The following MAPK8IP1 variants were observed in gnomAD, a reference collection of about 807,000 sequenced individuals.
MAPK8IP1 encodes mitogen-activated protein kinase 8 interacting protein 1, also known as C-Jun-amino-terminal kinase-interacting protein 1.
MAPK8IP1 carries 17 observed loss-of-function variants against 72.6 expected under a neutral mutation model. That is an observed-to-expected ratio of 0.23 (90% confidence interval 0.16 to 0.35). The LOEUF is 0.35. Among genes scored for constraint, MAPK8IP1 ranks in the 10% least tolerant of loss-of-function variants. The pLI, the probability that MAPK8IP1 is intolerant of heterozygous loss-of-function variation, is 1.00. For synonymous variants in MAPK8IP1, 401 were observed against 443.4 expected, an observed-to-expected ratio of 0.90 and a Z score of 1.20; for missense variants, 789 against 1,009.7, an observed-to-expected ratio of 0.78 and a Z score of 2.96.
In MAPK8IP1 at chr11:45,902,974, T is replaced by C; in HGVS notation, c.1207T>C (p.Tyr403His). 6.2e-7 allele frequency: 1 copy of C among 1,612,008 alleles called. No individual in the cohort carries two copies. The highest frequency in any genetic ancestry group is 8.5e-7 in the Non-Finnish European group (1 of 1,179,882). ...LVSLRPCFGD[Y>H]SDESDSATVY... ...GAGCCTGCGGCCGTGCTTCGGAGAC[T>C]ACAGTGACGAGAGTGACTCTGCCAC... is the stretch of plus-strand genomic sequence containing the variant. Residue 403 changes from tyrosine (Y) to histidine (H), a missense_variant, in exon 5 of 12, where the codon TAC becomes CAC. Tyr to His is a moderately conservative substitution (Grantham distance 83). Coordinates refer to ENST00000241014, the MANE Select transcript of MAPK8IP1 (RefSeq NM_005456.4). This position sits in a 1 kb window ranked among gnomAD's most constrained non-coding sequence, Gnocchi z 9.3.
intron 1 of MAPK8IP1, among the ~76,000 whole-genome samples, chr11:45,889,380 A>G (rs1186974125): frequency 1.3e-5 from 2 of 152,270 alleles, no homozygotes. Context: ...TTCTTATTTT[A>G]TAATGAGTAT....
rs771342008 is a variant in MAPK8IP1, at chr11:45,902,814, C to T, written c.1047C>T (p.Gly349=). ...CCCCAGAGCGGGCTGAGCCCCCAGGCGGAGGGTGGCGGGGGAGCCTGGGGG... is the reference window on the plus strand; with the variant it reads ...CCCCAGAGCGGGCTGAGCCCCCAGGTGGAGGGTGGCGGGGGAGCCTGGGGG... ...LSSPERAEPP[G]GGWRGSLGEP... is the part of the protein sequence containing the mutation. Residue 349 remains glycine, a synonymous_variant, in exon 5 of 12, where the codon GGC becomes GGT. Transcript: ENST00000241014. The surrounding 1 kb of genome is among the most constrained non-coding windows in gnomAD (Gnocchi z 9.3). 2.7e-5 allele frequency: 43 copies of T among 1,581,176 alleles called. No homozygotes were observed. Among genetic ancestry groups the T allele is most frequent in the East Asian group, 4.6e-5 (2 of 43,492 alleles).
chr11:45,891,526 C>T (rs2086565890), intron 1 of MAPK8IP1, among the ~76,000 whole-genome samples: 1 of 152,182 alleles, frequency 6.6e-6, no homozygotes, highest in African/African-American at 2.4e-5. Flanking sequence ...CCTCAGGAAA[C>T]TTGCAGCTCT....
At position 45,902,148 on chromosome 11, in the gene MAPK8IP1, G is replaced by T. The variant is rs2086658663; in HGVS notation, c.604+87G>T. Reference sequence around the variant, plus strand: ...GAGAGCAAACCCTACAGTCTCCAAAGGGCTGAGTAGAGGTGAACTGCCCAC... The same window carrying T: ...GAGAGCAAACCCTACAGTCTCCAAATGGCTGAGTAGAGGTGAACTGCCCAC... On this transcript the variant is annotated intron_variant, in intron 4 of 11. Coordinates refer to ENST00000241014, the MANE Select transcript of MAPK8IP1 (RefSeq NM_005456.4). The surrounding 1 kb of genome is among the most constrained non-coding windows in gnomAD (Gnocchi z 9.3). 1 of 1,265,854 alleles carries T rather than the reference G, an allele frequency of 7.9e-7. No homozygotes were observed. Among genetic ancestry groups the T allele is most frequent in the Non-Finnish European group, 1.2e-6 (1 of 862,900 alleles). The allele number at this position is 1,265,854 out of a possible 1,614,324, so 78.4% of individuals were successfully genotyped here.
chr11:45,891,553 C>G (rs61882475), intron 1 of MAPK8IP1, among the ~76,000 whole-genome samples: 3,453 of 152,270 alleles, frequency 0.023, 69 homozygotes, highest in Non-Finnish European at 0.035. Flanking sequence ...GGCAGGCAGC[C>G]CAGCAGCAGA....
intron 11 of MAPK8IP1, 34 bp from the exon 12 acceptor site, chr11:45,905,615 G>C (rs567137970): frequency 1.2e-5 from 19 of 1,591,280 alleles, no homozygotes; most frequent in South Asian, 8.8e-5. Flanking sequence ...TGCCAGTGGC[G>C]ATCTGAGCCA....
chr11:45,898,020 T>A, intron 1 of MAPK8IP1, 65 bp from the exon 2 acceptor site: 1 of 967,768 alleles, frequency 1.0e-6, no homozygotes, highest in Non-Finnish European at 1.7e-6. Flanking sequence ...CTGGAAGAGG[T>A]AACAGGGAGA....
intron 1 of MAPK8IP1, chr11:45,896,403 A>T (rs10838528): frequency 1.6e-5 from 6 of 377,812 alleles, no homozygotes; most frequent in Non-Finnish European, 2.2e-5. Flanking sequence ...CTGACTGGGG[A>T]ACTGGCCCTT....
chr11:45,902,625 G>C lies in MAPK8IP1; in HGVS notation c.858G>C (p.Val286=). The change falls in exon 5 of 12, where the codon GTG becomes GTC. Residue 286 remains valine, a synonymous_variant. Coordinates refer to ENST00000241014, the MANE Select transcript of MAPK8IP1 (RefSeq NM_005456.4). This position sits in a 1 kb window ranked among gnomAD's most constrained non-coding sequence, Gnocchi z 9.3. ...EATEEIYLTP[V]QRPPDAAEPT... is the part of the protein sequence containing the mutation. ...CTGAGGAGATCTACCTGACCCCAGT[G>C]CAGAGGCCCCCAGACGCTGCAGAGC... is the stretch of plus-strand genomic sequence containing the variant. 2 of 1,612,934 alleles carry C rather than the reference G, an allele frequency of 1.2e-6. No homozygotes were observed. Among genetic ancestry groups the C allele is most frequent in the Non-Finnish European group, 1.7e-6 (2 of 1,179,932 alleles).
chr11:45,905,619 T>C (rs1276622369), intron 11 of MAPK8IP1, 30 bp from the exon 12 acceptor site: 1 of 1,596,958 alleles, frequency 6.3e-7, no homozygotes, highest in Non-Finnish European at 8.6e-7. Flanking sequence ...AGTGGCGATC[T>C]GAGCCATCTG....
Position 45,903,467 on chromosome 11 carries a change from A to C in MAPK8IP1, c.1493+27A>C. On this transcript the variant is annotated intron_variant, in intron 6 of 11. Coordinates refer to ENST00000241014, the MANE Select transcript of MAPK8IP1 (RefSeq NM_005456.4). This position sits in a 1 kb window ranked among gnomAD's most constrained non-coding sequence, Gnocchi z 6.4. ...TGAGAGCCATGGGCTGGCTGGGCCT[A>C]GCCAGGCAGCAGTTTGGGCCACACA... 6.3e-7 allele frequency: 1 copy of C among 1,595,210 alleles called. No individual in the cohort carries two copies.
Position 45,906,405 on chromosome 11 carries a change from C to G in MAPK8IP1, c.*684C>G. The G allele has an allele frequency of 1.1e-6, 1 of 909,636 alleles. No individual in the cohort carries two copies. The highest frequency in any genetic ancestry group is 2.5e-5 in the South Asian group (1 of 40,456). The allele number at this position is 909,636 out of a possible 1,614,324, so 56.3% of individuals were successfully genotyped here. A position where few individuals can be genotyped will look rare whatever the true frequency, so the allele number is the denominator to read the frequency against. ...GGGAGGCTTCCTGACTGACACAGGC[C>G]AGCCCCATCTTGGTCCTGTCACCCT... is the stretch of plus-strand genomic sequence containing the variant. On this transcript the variant is annotated 3_prime_UTR_variant, in exon 12 of 12. Coordinates refer to ENST00000241014, the MANE Select transcript of MAPK8IP1 (RefSeq NM_005456.4).
At chr11:45,896,822 C>G in intron 1 of MAPK8IP1, 2 of 1,546,206 alleles carry the variant, frequency 1.3e-6, no homozygotes, top group East Asian at 2.4e-5. Flanking sequence ...CCCCACCCTT[C>G]CGGGCATGAG....
In MAPK8IP1 at chr11:45,904,623, G is replaced by A; in HGVS notation, c.1776+59G>A. ...TGGGTCCCTGGGGCAGAGGGACGCA[G>A]GTGTCTAGAGGCAGTAAAGGGCTCA... On this transcript the variant is annotated intron_variant, in intron 8 of 11. Coordinates refer to ENST00000241014, the MANE Select transcript of MAPK8IP1 (RefSeq NM_005456.4). This position sits in a 1 kb window ranked among gnomAD's most constrained non-coding sequence, Gnocchi z 6.4. The A allele has an allele frequency of 6.3e-7, 1 of 1,590,530 alleles. No homozygotes were observed. The highest frequency in any genetic ancestry group is 8.6e-7 in the Non-Finnish European group (1 of 1,158,742).
chr11:45,896,710 T>C lies in MAPK8IP1; in HGVS notation c.102-1375T>C, dbSNP rs534840135. The C allele has an allele frequency of 1.0e-5, 15 of 1,437,796 alleles. No homozygotes were observed. In the South Asian group the frequency reaches 2.1e-4, roughly 20 times the overall value. The allele number at this position is 1,437,796 out of a possible 1,614,324, so 89.1% of individuals were successfully genotyped here. On this transcript the variant is annotated intron_variant, in intron 1 of 11. Transcript: ENST00000241014. ...GCAGCCTCCTCTCCTGGCCTGTCTA[T>C]TTTTAATGAGCTCCCCAGGCTTCTG...
chr11:45,895,633 A>AATATATAT (rs71038870), intron 1 of MAPK8IP1, among the ~76,000 whole-genome samples: 3 of 42,540 alleles, frequency 7.1e-5, no homozygotes, highest in African/African-American at 1.4e-4. Context: ...AAAAAAAAAA[A>AATATATAT]ATATATATAT....
At position 45,896,448 on chromosome 11, in the gene MAPK8IP1, C is replaced by A. The variant is rs1047306239; in HGVS notation, c.102-1637C>A. On this transcript the variant is annotated intron_variant, in intron 1 of 11. Transcript: ENST00000241014. ...CCAAGGGCTGGCTTTTGGGGGGAAA[C>A]ATCCTAGATTTCTGCCATCTACTTA... 733 of 851,974 alleles carry A rather than the reference C, an allele frequency of 8.6e-4. 1 individual carries two copies. Among genetic ancestry groups the A allele is most frequent in the Non-Finnish European group, 9.8e-4 (691 of 701,990 alleles). The allele number at this position is 851,974 out of a possible 1,614,324, so 52.8% of individuals were successfully genotyped here. A position where few individuals can be genotyped will look rare whatever the true frequency, so the allele number is the denominator to read the frequency against.
chr11:45,891,680 T>G (rs1485675326), intron 1 of MAPK8IP1, among the ~76,000 whole-genome samples: 2 of 152,230 alleles, frequency 1.3e-5, no homozygotes. Context: ...ATGTGAGTGT[T>G]TCTTCCTGTG....
chr11:45,896,590 G>A (rs1008829761), intron 1 of MAPK8IP1: 33 of 1,289,266 alleles, frequency 2.6e-5, no homozygotes, highest in African/African-American at 7.4e-5. Flanking sequence ...CGGCCACAGC[G>A]GCAGCAGCGC....
Sources: allele counts gnomAD v4.1 joint callset (sites outside exome capture counted in the v4.1 genomes callset), GRCh38; gene constraint gnomAD v4.1.1; non-coding constraint Gnocchi (gnomAD v3.1); transcripts MANE v1.5; gene names NCBI Gene and HGNC (gene_info 2026-07-23, HGNC 2026-07-21).